RPS6KA5: variants seen among roughly 807,000 people sequenced by gnomAD.
RPS6KA5 encodes ribosomal protein S6 kinase A5, also known as ribosomal protein S6 kinase alpha-5.
RPS6KA5 carries 27 observed loss-of-function variants against 85.5 expected under a neutral mutation model. The ratio of observed to expected loss-of-function variants is 0.32; its 90% CI spans 0.23 to 0.44. RPS6KA5 has a LOEUF of 0.44. Among genes scored for constraint, RPS6KA5 ranks in the 20% least tolerant of loss-of-function variants. The pLI, the probability that RPS6KA5 is intolerant of heterozygous loss-of-function variation, is 1.00. For missense variants in RPS6KA5, 811 were observed against 980.9 expected, an observed-to-expected ratio of 0.83 and a Z score of 2.31; for synonymous variants, 334 against 348.2, an observed-to-expected ratio of 0.96 and a Z score of 0.46.
intron 3 of RPS6KA5, among the ~76,000 whole-genome samples, chr14:90,972,836 C>A (rs1286086): frequency 0.8 from 122,124 of 152,188 alleles, 49,517 homozygotes; most frequent in East Asian, 0.97. Context: ...TTTACAATGC[C>A]TACCAGAAAT....
At chr14:90,960,806 C>A (rs1486654860) in intron 3 of RPS6KA5, among the ~76,000 whole-genome samples, 1 of 152,178 alleles carries the variant, frequency 6.6e-6, no homozygotes, top group East Asian at 1.9e-4. Flanking sequence ...CTTGAGCATT[C>A]TTGAATTTTT....
rs1428989434 is a variant in RPS6KA5 at position 90,850,555 on chromosome 14, C to T, written c.*21519G>A. On this transcript the variant is annotated 3_prime_UTR_variant, in exon 17 of 17. Coordinates refer to ENST00000614987, the MANE Select transcript of RPS6KA5 (RefSeq NM_004755.4). ...AAAAAACTTAAAATGCTTACATCTT[C>T]TGAAATAACCCATGATTAGCTCCAA... 2 of 151,434 alleles carry T rather than the reference C, an allele frequency of 1.3e-5. No individual in the cohort carries two copies. Among genetic ancestry groups the T allele is most frequent in the African/African-American group, 4.8e-5 (2 of 41,256 alleles). The allele number at this position is 151,434 out of a possible 1,614,324, so 9.4% of individuals were successfully genotyped here. A position where few individuals can be genotyped will look rare whatever the true frequency, so the allele number is the denominator to read the frequency against.
At chr14:90,913,076 A>G (rs189837721) in intron 7 of RPS6KA5, among the ~76,000 whole-genome samples, 41 of 151,756 alleles carry the variant, frequency 2.7e-4, no homozygotes, top group Admixed American at 2.4e-3. Flanking sequence ...ACGCCCAGCT[A>G]ATTTTTGTAT....
chr14:90,876,522 T>C (rs1160701967), intron 14 of RPS6KA5, among the ~76,000 whole-genome samples: 3 of 152,266 alleles, frequency 2.0e-5, no homozygotes, highest in African/African-American at 7.2e-5. Flanking sequence ...AGGCTTATCT[T>C]TGTAGCAGAG....
intron 5 of RPS6KA5, among the ~76,000 whole-genome samples, chr14:90,936,983 G>A (rs937286231): frequency 2.0e-5 from 3 of 152,074 alleles, no homozygotes; most frequent in African/African-American, 7.2e-5. Context: ...GAGCCCAGAA[G>A]AGAAGGTTGG....
At chr14:90,901,416 A>T (rs2140231432) in intron 9 of RPS6KA5, among the ~76,000 whole-genome samples, 1 of 152,320 alleles carries the variant, frequency 6.6e-6, no homozygotes, top group Admixed American at 6.5e-5. Flanking sequence ...TTCAAACTGG[A>T]AAAATGGCAA....
rs1432469065 is a variant in RPS6KA5, at chr14:91,039,210, C to A, written c.103+21122G>T. Among the ~76,000 whole-genome samples the A allele has an allele frequency of 2.0e-5, 3 of 152,038 alleles. 1 individual carries two copies. Among genetic ancestry groups the A allele is most frequent in the South Asian group, 4.2e-4 (2 of 4,814 alleles). On this transcript the variant is annotated intron_variant, in intron 1 of 16. Coordinates refer to ENST00000614987, the MANE Select transcript of RPS6KA5 (RefSeq NM_004755.4). ...GATGCATGCAGGGGGCTATTAGTAC[C>A]CACTACCACCAGCAATGGGGTCCTT...
chr14:90,955,710 A>G (rs1298152519), intron 3 of RPS6KA5, among the ~76,000 whole-genome samples: 1 of 152,160 alleles, frequency 6.6e-6, no homozygotes, highest in African/African-American at 2.4e-5. Flanking sequence ...ATATCCTGCA[A>G]TTACTATTTA....
chr14:90,933,693 G>T (rs369807855), intron 5 of RPS6KA5, among the ~76,000 whole-genome samples: 2 of 152,188 alleles, frequency 1.3e-5, no homozygotes, highest in East Asian at 3.9e-4. Context: ...CTCCCCAGTG[G>T]CTCCCCATTT....
chr14:90,888,970 T>C (rs1351279777), intron 14 of RPS6KA5, among the ~76,000 whole-genome samples: 2 of 152,060 alleles, frequency 1.3e-5, no homozygotes, highest in Non-Finnish European at 2.9e-5. Context: ...AATCTCCCCA[T>C]AGGAAAATGG....
chr14:91,006,331 T>C (rs191405996), intron 1 of RPS6KA5, among the ~76,000 whole-genome samples: 4 of 152,338 alleles, frequency 2.6e-5, no homozygotes, highest in Admixed American at 6.5e-5. Flanking sequence ...GGGGTTCTCC[T>C]GGGACCTGGT....
At position 91,060,405 on chromosome 14, in the gene RPS6KA5, G is replaced by C; in HGVS notation, c.30C>G (p.Gly10=). The C allele has an allele frequency of 1.3e-6, 2 of 1,504,150 alleles. No individual in the cohort carries two copies. Among genetic ancestry groups the C allele is most frequent in the Non-Finnish European group, 8.9e-7 (1 of 1,120,266 alleles). The allele number at this position is 1,504,150 out of a possible 1,614,324, so 93.2% of individuals were successfully genotyped here. A position where few individuals can be genotyped will look rare whatever the true frequency, so the allele number is the denominator to read the frequency against. ...CGCCGTCCGCGCTGGTCCCCGCGGCGCCGCCGCTGCTGCCACCCTCCTCCT... is the reference window on the plus strand; with the variant it reads ...CGCCGTCCGCGCTGGTCCCCGCGGCCCCGCCGCTGCTGCCACCCTCCTCCT... MEEEGGSSG[G]AAGTSADGGD... Residue 10 remains glycine, a synonymous_variant, in exon 1 of 17, where the codon GGC becomes GGG. Coordinates refer to ENST00000614987, the MANE Select transcript of RPS6KA5 (RefSeq NM_004755.4).
chr14:91,038,971 C>G (rs1470901679), intron 1 of RPS6KA5, among the ~76,000 whole-genome samples: 1 of 152,176 alleles, frequency 6.6e-6, no homozygotes, highest in Non-Finnish European at 1.5e-5. Flanking sequence ...GCCATAGGCC[C>G]TCTTTTCACA....
chr14:90,926,513 C>T (rs1053765992), intron 5 of RPS6KA5, among the ~76,000 whole-genome samples: 1 of 151,910 alleles, frequency 6.6e-6, no homozygotes, highest in African/African-American at 2.4e-5. Flanking sequence ...TCCTGATTGG[C>T]CACATTCTAT....
chr14:91,036,903 T>C (rs1466400577), intron 1 of RPS6KA5, among the ~76,000 whole-genome samples: 1 of 152,138 alleles, frequency 6.6e-6, no homozygotes, highest in South Asian at 2.1e-4. Flanking sequence ...TGGAGACGCC[T>C]TGGAGCAGAA....
chr14:90,863,446 G>A lies in RPS6KA5; in HGVS notation c.*8628C>T, dbSNP rs2032669714. ...TACTTCATTTAGCATGTTATTGGAGGTCCTGATCAGCTCAATAAGGCAAGA... is the reference window on the plus strand; with the variant it reads ...TACTTCATTTAGCATGTTATTGGAGATCCTGATCAGCTCAATAAGGCAAGA... On this transcript the variant is annotated 3_prime_UTR_variant, in exon 17 of 17. Transcript: ENST00000614987. The A allele has an allele frequency of 6.6e-6, 1 of 150,506 alleles. No homozygotes were observed. Among genetic ancestry groups the A allele is most frequent in the Non-Finnish European group, 1.5e-5 (1 of 67,682 alleles). The allele number at this position is 150,506 out of a possible 1,614,324, so 9.3% of individuals were successfully genotyped here.
chr14:90,953,592 C>T (rs914737003), intron 3 of RPS6KA5, among the ~76,000 whole-genome samples: 5 of 152,122 alleles, frequency 3.3e-5, no homozygotes, highest in Admixed American at 1.3e-4. Context: ...TACAAACGGA[C>T]GTGCAAGTAG....
chr14:91,056,431 G>T (rs754127088), intron 1 of RPS6KA5, among the ~76,000 whole-genome samples: 5 of 152,182 alleles, frequency 3.3e-5, no homozygotes, highest in Non-Finnish European at 7.3e-5. Context: ...GAAGGCGGCG[G>T]TGTCTTTTCA....
chr14:91,044,415 AAGAAAGAAAGAAAGAAAGAAAGAAAG>A (rs1162146146), intron 1 of RPS6KA5, among the ~76,000 whole-genome samples: 4 of 98,910 alleles, frequency 4.0e-5, no homozygotes, highest in African/African-American at 8.3e-5. Context: ...GAAAGAAAGA[AAGAAAGAAAGAAAGAAAGAAAGAAAG>A]AAAGAAAATT....
Sources: allele counts gnomAD v4.1 joint callset (sites outside exome capture counted in the v4.1 genomes callset), GRCh38; gene constraint gnomAD v4.1.1; transcripts MANE v1.5; gene names NCBI Gene and HGNC (gene_info 2026-07-23, HGNC 2026-07-21).